Variants in ZNF282 observed in about 807,000 individuals in gnomAD.
ZNF282 encodes HTLV-I U5 repressive element-binding protein 1.
A neutral mutation model predicts 61.9 loss-of-function variants in ZNF282; 30 were observed. The observed-to-expected ratio is 0.48, with a 90% CI of 0.36 to 0.66. The LOEUF (loss-of-function observed/expected upper bound fraction) is 0.66, where lower values mean the gene tolerates loss of function less well. Ranked by LOEUF, ZNF282 falls within the 30% of genes least tolerant of loss-of-function variation. The probability of loss-of-function intolerance (pLI) is 0.00; values close to 1 mark genes in which losing one functional copy is unlikely to be tolerated. For missense variants in ZNF282, 788 were observed against 941.4 expected, an observed-to-expected ratio of 0.84 and a Z score of 2.13; for synonymous variants, 396 against 405.0, an observed-to-expected ratio of 0.98 and a Z score of 0.27.
At chr7:149,219,589 G>A (rs1476647779) in intron 7 of ZNF282, among the ~76,000 whole-genome samples, 4 of 152,208 alleles carry the variant, frequency 2.6e-5, no homozygotes, top group African/African-American at 9.6e-5. Flanking sequence ...GCTCACACCT[G>A]TAATCTCAGC....
intron 4 of ZNF282, among the ~76,000 whole-genome samples, chr7:149,208,381 T>G (rs1259427692): frequency 2.0e-5 from 3 of 151,998 alleles, no homozygotes; most frequent in Non-Finnish European, 4.4e-5. Flanking sequence ...TTTTGTATTT[T>G]TAGTAGGGAC....
rs143750079 is a variant in ZNF282 at position 149,207,295 on chromosome 7, G to A, written c.713-56G>A. The A allele has an allele frequency of 1.3e-4, 198 of 1,553,040 alleles. No homozygotes were observed. In the East Asian group the frequency reaches 4.4e-3, roughly 34 times the overall value. On this transcript the variant is annotated intron_variant, in intron 3 of 7. Coordinates refer to ENST00000610704, the MANE Select transcript of ZNF282 (RefSeq NM_003575.4). ...TAGGGGAGAGTTCTCCCTTCCCCTTGCTGGATGCGTTGGTCAACTTCACTC... is the reference window on the plus strand; with the variant it reads ...TAGGGGAGAGTTCTCCCTTCCCCTTACTGGATGCGTTGGTCAACTTCACTC...
At position 149,224,298 on chromosome 7, in the gene ZNF282, A is replaced by T. The variant is rs76880561; in HGVS notation, c.1667A>T (p.Asn556Ile). The T allele has an allele frequency of 1.1e-5, 17 of 1,612,440 alleles. No individual in the cohort carries two copies. The highest frequency in any genetic ancestry group is 1.7e-6 in the Non-Finnish European group (2 of 1,179,746). ...TGCGCTGAGTGCGAGAAGAGCTTCA[A>T]CTGCCACTCGGGCCTCATCCGCCAC... Reference protein sequence around the residue: ...YECAECEKSFNCHSGLIRHQM... With the variant: ...YECAECEKSFICHSGLIRHQM... The change falls in exon 8 of 8, where the codon AAC becomes ATC. Residue 556 changes from asparagine (N) to isoleucine (I), a missense_variant. Asn to Ile is a moderately radical substitution (Grantham distance 149, BLOSUM62 -3). Coordinates refer to ENST00000610704, the MANE Select transcript of ZNF282 (RefSeq NM_003575.4).
intron 7 of ZNF282, among the ~76,000 whole-genome samples, chr7:149,220,227 T>C (rs986092758): frequency 2.0e-5 from 3 of 151,856 alleles, no homozygotes; most frequent in Non-Finnish European, 4.4e-5. Flanking sequence ...GCTAACACGG[T>C]GAAACCCCGT....
intron 7 of ZNF282, among the ~76,000 whole-genome samples, chr7:149,215,108 C>T (rs1796142120): frequency 6.6e-6 from 1 of 152,126 alleles, no homozygotes; most frequent in Non-Finnish European, 1.5e-5. Flanking sequence ...ATCCCCTTGC[C>T]CTCAACATGG....
intron 4 of ZNF282, 88 bp from the exon 5 acceptor site, chr7:149,210,497 A>T: frequency 6.4e-7 from 1 of 1,567,214 alleles, no homozygotes; most frequent in East Asian, 2.3e-5. Context: ...AAAAAGACAC[A>T]AAGCAATGTC....
In ZNF282 at chr7:149,204,803, G is replaced by C. The variant is rs1001786071; in HGVS notation, c.586-1893G>C. On this transcript the variant is annotated intron_variant, in intron 2 of 7. Coordinates refer to ENST00000610704, the MANE Select transcript of ZNF282 (RefSeq NM_003575.4). ...ATTGGTGGTGGATGTCATCTGCGGA[G>C]TTCTAGTAACAGAGAATTAAAATGA... Among the ~76,000 whole-genome samples the C allele has an allele frequency of 4.6e-5, 7 of 152,276 alleles. No homozygotes were observed. The South Asian group carries it at 1.0e-3, about 23-fold the overall frequency.
At position 149,210,575 on chromosome 7, in the gene ZNF282, C is replaced by G; in HGVS notation, c.833-10C>G. The stretch of plus-strand genomic sequence containing the variant: ...AAAAGACACAAAGCAATGTCATTCT[C>G]TGTCCCCAGGAGCAGAGCCCCTGGT... On this transcript the variant is annotated splice_polypyrimidine_tract_variant and intron_variant, in intron 4 of 7. Coordinates refer to ENST00000610704, the MANE Select transcript of ZNF282 (RefSeq NM_003575.4). 6.2e-7 allele frequency: 1 copy of G among 1,609,390 alleles called. No homozygotes were observed. Among genetic ancestry groups the G allele is most frequent in the Admixed American group, 1.7e-5 (1 of 59,290 alleles).
intron 4 of ZNF282, among the ~76,000 whole-genome samples, chr7:149,207,983 C>T (rs1324422659): frequency 1.3e-5 from 2 of 152,180 alleles, no homozygotes; most frequent in African/African-American, 2.4e-5. Context: ...TCGGGCCCCC[C>T]GAGCACATCA....
intron 7 of ZNF282, among the ~76,000 whole-genome samples, chr7:149,214,087 A>G (rs960925752): frequency 6.6e-6 from 1 of 152,172 alleles, no homozygotes; most frequent in Non-Finnish European, 1.5e-5. Flanking sequence ...TGAAAGTCCA[A>G]AATCAAGGGG....
chr7:149,213,960 C>T (rs1796125117), intron 7 of ZNF282, 146 bp downstream of exon 7: 3 of 600,802 alleles, frequency 5.0e-6, no homozygotes, highest in Non-Finnish European at 8.8e-6. Context: ...TGCACCAAAG[C>T]ACTCCCATTC....
At chr7:149,201,495 A>G (rs1300857531) in intron 2 of ZNF282, among the ~76,000 whole-genome samples, 3 of 152,192 alleles carry the variant, frequency 2.0e-5, no homozygotes, top group African/African-American at 4.8e-5. Context: ...GCTCACGCCC[A>G]TAATCCCAGC....
chr7:149,211,692 T>TC (rs1278152689), intron 5 of ZNF282, among the ~76,000 whole-genome samples: 2 of 151,904 alleles, frequency 1.3e-5, no homozygotes, highest in Admixed American at 1.3e-4. Context: ...ACAAACCTCA[T>TC]CCCCCCCTTA....
At chr7:149,196,622 C>T (rs1795821526) in intron 1 of ZNF282, among the ~76,000 whole-genome samples, 1 of 152,150 alleles carries the variant, frequency 6.6e-6, no homozygotes, top group South Asian at 2.1e-4. Flanking sequence ...ACGAGGGAGC[C>T]AGGGGCTGCT....
intron 1 of ZNF282, among the ~76,000 whole-genome samples, chr7:149,197,464 T>G (rs1350580426): frequency 6.6e-6 from 1 of 152,146 alleles, no homozygotes; most frequent in East Asian, 1.9e-4. Flanking sequence ...ATGTGGTGGG[T>G]TTTTTTGTTG....
Position 149,207,436 on chromosome 7 carries a change from C to T in ZNF282, c.798C>T (p.Pro266=), listed in dbSNP as rs755165181. Residue 266 remains proline (P), a synonymous_variant, in exon 4 of 8, where the codon CCC becomes CCT. Coordinates refer to ENST00000610704, the MANE Select transcript of ZNF282 (RefSeq NM_003575.4). The stretch of plus-strand genomic sequence containing the variant: ...CTTGTGTGTGGGAGCAGCGCCACCC[C>T]GAAGAGAGAGAAATCCCAATGGATC... ...EEPCVWEQRH[P]EEREIPMDPE... The T allele has an allele frequency of 1.1e-4, 179 of 1,564,698 alleles. No homozygotes were observed. Among genetic ancestry groups the T allele is most frequent in the Middle Eastern group, 1.7e-4 (1 of 6,020 alleles).
At chr7:149,197,327 C>T (rs1341135653) in intron 1 of ZNF282, among the ~76,000 whole-genome samples, 1 of 152,146 alleles carries the variant, frequency 6.6e-6, no homozygotes, top group Non-Finnish European at 1.5e-5. Flanking sequence ...AATGAGTGAC[C>T]TTTTTTAGTG....
Position 149,226,129 on chromosome 7 carries a change from T to C in ZNF282, c.*1482T>C, listed in dbSNP as rs1796371136. On this transcript the variant is annotated 3_prime_UTR_variant, in exon 8 of 8. Coordinates refer to ENST00000610704, the MANE Select transcript of ZNF282 (RefSeq NM_003575.4). ...GCTTTCCTCAGACCCCTTTTTGCCG[T>C]GCAAAGGGAATTCTTGACATTAAAT... 6.6e-6 allele frequency: 1 copy of C among 152,658 alleles called. No individual in the cohort carries two copies. Among genetic ancestry groups the C allele is most frequent in the Non-Finnish European group, 1.5e-5 (1 of 68,042 alleles). 9.5% of individuals were successfully genotyped at this position (152,658 alleles called of 1,614,324 possible).
chr7:149,213,874 G>A (rs567739559), intron 7 of ZNF282, 60 bp downstream of exon 7: 30 of 1,253,802 alleles, frequency 2.4e-5, no homozygotes, highest in Admixed American at 3.9e-5. Context: ...CAGCTGAGGC[G>A]TGGACGAAGG....
Sources: gnomAD v4.1 joint callset for allele counts (sites outside exome capture counted in the v4.1 genomes callset) on GRCh38, gnomAD v4.1.1 for gene constraint, MANE v1.5 for transcripts, NCBI Gene and HGNC (gene_info 2026-07-23, HGNC 2026-07-21) for gene names.